LRP1B: variants seen among roughly 807,000 people sequenced by gnomAD.
The protein encoded by LRP1B is low-density lipoprotein receptor-related protein 1B.
LRP1B carries 217 observed loss-of-function variants against 556.6 expected under a neutral mutation model. That is an observed-to-expected ratio of 0.39 (90% confidence interval 0.35 to 0.44). The LOEUF (loss-of-function observed/expected upper bound fraction) is 0.44. Ranked by LOEUF, LRP1B falls within the 20% of genes least tolerant of loss-of-function variation. The pLI, the probability that LRP1B is intolerant of heterozygous loss-of-function variation, is 1.00. For missense variants in LRP1B, 5,053 were observed against 5,620.8 expected, an observed-to-expected ratio of 0.90 and a Z score of 3.23; for synonymous variants, 2,047 against 1,865.8, an observed-to-expected ratio of 1.10 and a Z score of -2.50.
chr2:140,825,386 G>T (rs1691466818), intron 31 of LRP1B, among the ~76,000 whole-genome samples: 1 of 151,890 alleles, frequency 6.6e-6, no homozygotes, highest in Non-Finnish European at 1.5e-5. Context: ...TATCACTTTT[G>T]GTCATGTTGT....
chr2:140,880,725 T>G (rs1693447083), intron 25 of LRP1B, among the ~76,000 whole-genome samples: 1 of 152,168 alleles, frequency 6.6e-6, no homozygotes, highest in African/African-American at 2.4e-5. Context: ...GGGAGAAAAG[T>G]GGCTAGTTGC....
At chr2:141,691,634 G>A (rs1691536531) in intron 2 of LRP1B, among the ~76,000 whole-genome samples, 1 of 151,932 alleles carries the variant, frequency 6.6e-6, no homozygotes, top group Non-Finnish European at 1.5e-5. Context: ...TCCAGGAGCT[G>A]CATCTAGACT....
intron 1 of LRP1B, among the ~76,000 whole-genome samples, chr2:142,057,848 G>A (rs752075230): frequency 6.6e-5 from 10 of 151,950 alleles, no homozygotes; most frequent in African/African-American, 2.4e-4. Flanking sequence ...TTAGCTATTC[G>A]TTCCTGTACA....
intron 31 of LRP1B, among the ~76,000 whole-genome samples, chr2:140,831,967 G>C (rs1238050294): frequency 1.3e-5 from 2 of 152,106 alleles, no homozygotes; most frequent in African/African-American, 4.8e-5. Flanking sequence ...ACTACAATGG[G>C]ATATCACCTC....
At chr2:141,551,566 C>A (rs1418973126) in intron 2 of LRP1B, among the ~76,000 whole-genome samples, 1 of 151,896 alleles carries the variant, frequency 6.6e-6, no homozygotes, top group African/African-American at 2.4e-5. Context: ...ACAATTTTGG[C>A]AAAATGACAA....
chr2:141,934,202 T>C (rs1355359475), intron 1 of LRP1B, among the ~76,000 whole-genome samples: 1 of 151,674 alleles, frequency 6.6e-6, no homozygotes, highest in African/African-American at 2.4e-5. Flanking sequence ...AACTGGAAAA[T>C]AAATCAATAG....
At position 141,051,380 on chromosome 2, in the gene LRP1B, T is replaced by C. The variant is rs190222857; in HGVS notation, c.1553-2158A>G. Among the ~76,000 whole-genome samples, 70 of 152,098 alleles carry C rather than the reference T, an allele frequency of 4.6e-4. 1 individual carries two copies. In the East Asian group the frequency reaches 4.9e-3, roughly 11 times the overall value. ...AGCAAAGACCTGGAACCAACCCAAA[T>C]GCCCATCAATGAAAGACTGGATAAA... On this transcript the variant is annotated intron_variant, in intron 10 of 90. Coordinates refer to ENST00000389484, the MANE Select transcript of LRP1B (RefSeq NM_018557.3).
intron 2 of LRP1B, among the ~76,000 whole-genome samples, chr2:141,505,388 C>A (rs530883901): frequency 6.6e-6 from 1 of 152,196 alleles, no homozygotes; most frequent in South Asian, 2.1e-4. Context: ...CTGTTCAACA[C>A]ACACATACTT....
intron 2 of LRP1B, among the ~76,000 whole-genome samples, chr2:141,624,890 C>T (rs1226645598): frequency 6.6e-6 from 1 of 152,170 alleles, no homozygotes; most frequent in African/African-American, 2.4e-5. Flanking sequence ...CTGCCTCAGC[C>T]TCCCAAGTAG....
At chr2:141,736,962 C>G (rs1403692378) in intron 2 of LRP1B, among the ~76,000 whole-genome samples, 1 of 152,148 alleles carries the variant, frequency 6.6e-6, no homozygotes, top group African/African-American at 2.4e-5. Context: ...TCTGGCCTCT[C>G]AGAGTGATGA....
intron 2 of LRP1B, among the ~76,000 whole-genome samples, chr2:141,503,543 G>A (rs961829931): frequency 6.6e-6 from 1 of 151,970 alleles, no homozygotes; most frequent in Admixed American, 6.6e-5. Context: ...ATAGAATGTA[G>A]AAGTAATGCA....
chr2:141,682,631 A>C (rs527910528), intron 2 of LRP1B, among the ~76,000 whole-genome samples: 1 of 152,280 alleles, frequency 6.6e-6, no homozygotes, highest in African/African-American at 2.4e-5. Flanking sequence ...TTTCGAGTAC[A>C]TGTGTACTTT....
At chr2:141,624,032 T>TAAAAAAAAAA (rs761446527) in intron 2 of LRP1B, among the ~76,000 whole-genome samples, 32 of 14,422 alleles carry the variant, frequency 2.2e-3, no homozygotes, top group Non-Finnish European at 3.7e-3. Flanking sequence ...AAAAAAAAAT[T>TAAAAAAAAAA]AAACAAAAAA....
At position 142,129,580 on chromosome 2, in the gene LRP1B, CTCTT is replaced by C. The variant is rs1386163467; in HGVS notation, c.82+1064_82+1067del. 4.3e-4 allele frequency among the ~76,000 whole-genome samples: 42 copies of C among 97,874 alleles called. 1 individual carries two copies. The highest frequency in any genetic ancestry group is 9.4e-4 in the African/African-American group (25 of 26,482). The allele number at this position is 97,874 out of a possible 152,430, so 64.2% of individuals were successfully genotyped here. A position where few individuals can be genotyped will look rare whatever the true frequency, so the allele number is the denominator to read the frequency against. ...GGCATTGGGATCTGGGTTTCTTTCT[CTCTT>C]TCTCTCTCTCTCTCTCTCTCTCTCT... On this transcript the variant is annotated intron_variant, in intron 1 of 90. Transcript: ENST00000389484.
At chr2:141,800,753 A>G (rs1452539210) in intron 2 of LRP1B, among the ~76,000 whole-genome samples, 1 of 152,224 alleles carries the variant, frequency 6.6e-6, no homozygotes, top group Admixed American at 6.5e-5. Context: ...AGATAAAGTG[A>G]GAAAAAAACT....
intron 66 of LRP1B, among the ~76,000 whole-genome samples, chr2:140,407,204 A>G (rs1309229862): frequency 6.6e-6 from 1 of 152,116 alleles, no homozygotes; most frequent in Non-Finnish European, 1.5e-5. Flanking sequence ...GAGGGATCAA[A>G]GACCTAAATC....
intron 1 of LRP1B, among the ~76,000 whole-genome samples, chr2:141,824,960 G>C (rs1355369615): frequency 6.6e-6 from 1 of 152,144 alleles, no homozygotes; most frequent in Non-Finnish European, 1.5e-5. Flanking sequence ...CACAAGATCC[G>C]ATGGTTTTTA....
chr2:140,506,787 T>G lies in LRP1B; in HGVS notation c.8521+9A>C. ...GGAATCTCCTTCATGAAGTTTTAGA[T>G]GTACTTACCACACTGCGGTGACTCA... On this transcript the variant is annotated intron_variant, in intron 53 of 90. Transcript: ENST00000389484. 6.2e-7 allele frequency: 1 copy of G among 1,604,126 alleles called. No homozygotes were observed. The highest frequency in any genetic ancestry group is 8.5e-7 in the Non-Finnish European group (1 of 1,176,634).
At chr2:140,917,355 CA>C (rs1694610106) in intron 21 of LRP1B, among the ~76,000 whole-genome samples, 1 of 151,994 alleles carries the variant, frequency 6.6e-6, no homozygotes, top group Non-Finnish European at 1.5e-5. Context: ...GGTCTTTACC[CA>C]AATGAATTGA....
Sources: allele counts gnomAD v4.1 joint callset (sites outside exome capture counted in the v4.1 genomes callset), GRCh38; gene constraint gnomAD v4.1.1; transcripts MANE v1.5; gene names NCBI Gene and HGNC (gene_info 2026-07-23, HGNC 2026-07-21).